Variants in DYNC2H1 observed in about 807,000 individuals in gnomAD.
DYNC2H1 encodes the protein dynein cytoplasmic 2 heavy chain 1.
In DYNC2H1, 410 loss-of-function variants were observed where a neutral mutation model predicts 570.0. The ratio of observed to expected loss-of-function variants is 0.72; its 90% confidence interval spans 0.66 to 0.78. DYNC2H1 has a LOEUF of 0.78. DYNC2H1 is among the 30% of genes least tolerant of loss of function. DYNC2H1 has a pLI of 0.00. For missense variants in DYNC2H1, 4,865 were observed against 5,046.4 expected, an observed-to-expected ratio of 0.96 and a Z score of 1.09; for synonymous variants, 1,688 against 1,677.6, an observed-to-expected ratio of 1.01 and a Z score of -0.15.
At chr11:103,447,178 T>TATCAA (rs1242067089) in intron 85 of DYNC2H1, among the ~76,000 whole-genome samples, 1 of 152,184 alleles carries the variant, frequency 6.6e-6, no homozygotes, top group African/African-American at 2.4e-5. Flanking sequence ...TACTTTTTTA[T>TATCAA]ATCAAATATT....
chr11:103,120,001 G>A (rs1174100865), intron 6 of DYNC2H1, among the ~76,000 whole-genome samples: 1 of 152,116 alleles, frequency 6.6e-6, no homozygotes, highest in African/African-American at 2.4e-5. Context: ...TTTCCCAGCT[G>A]TTTGTAAATA....
rs1864518234 is a variant in DYNC2H1, at chr11:103,244,018, TC to T, written c.9918+229del. On this transcript the variant is annotated intron_variant, in intron 64 of 88. Coordinates refer to ENST00000375735, the MANE Select transcript of DYNC2H1 (RefSeq NM_001377.3). This position sits in a 1 kb window ranked among gnomAD's most constrained non-coding sequence, Gnocchi z 4.3. ...AAGCCCTGGGAATTTAATAGTGAGT[TC>T]CTTCCCTTATAAAGATGACAGTCTA... Among the ~76,000 whole-genome samples, 1 of 152,212 alleles carries T rather than the reference TC, an allele frequency of 6.6e-6. No individual in the cohort carries two copies. Among genetic ancestry groups the T allele is most frequent in the African/African-American group, 2.4e-5 (1 of 41,550 alleles).
chr11:103,150,954 GA>G (rs1860503112), intron 20 of DYNC2H1, among the ~76,000 whole-genome samples: 1 of 152,150 alleles, frequency 6.6e-6, no homozygotes, highest in Admixed American at 6.5e-5. Context: ...AGGGACCTTA[GA>G]ATCTCATATT....
rs1352342541 is a variant in DYNC2H1 at position 103,325,841 on chromosome 11, CATT to C, written c.12039+1853_12039+1855del. On this transcript the variant is annotated intron_variant, in intron 82 of 88. Coordinates refer to ENST00000375735, the MANE Select transcript of DYNC2H1 (RefSeq NM_001377.3). The surrounding 1 kb of genome is among the most constrained non-coding windows in gnomAD (Gnocchi z 4.8). ...TACGTCATTTCAGACATTTCAGTCTCATTAGGGACCGTTGCTGGTGGGCGGGGG... is the reference window on the plus strand; with the variant it reads ...TACGTCATTTCAGACATTTCAGTCTCAGGGACCGTTGCTGGTGGGCGGGGG... 6.6e-6 allele frequency among the ~76,000 whole-genome samples: 1 copy of C among 152,132 alleles called. No individual in the cohort carries two copies. Among genetic ancestry groups the C allele is most frequent in the Non-Finnish European group, 1.5e-5 (1 of 68,020 alleles).
chr11:103,300,927 T>TTA (rs1237879117), intron 75 of DYNC2H1, among the ~76,000 whole-genome samples: 1 of 151,882 alleles, frequency 6.6e-6, no homozygotes, highest in Non-Finnish European at 1.5e-5. Context: ...TGTAAATATT[T>TTA]TATATATATT....
intron 81 of DYNC2H1, 43 bp from the exon 82 acceptor site, chr11:103,323,843 C>G: frequency 1.4e-6 from 2 of 1,443,790 alleles, no homozygotes; most frequent in Non-Finnish European, 1.9e-6. Context: ...TAAGTTCAAT[C>G]TTTATTTTTT....
At chr11:103,433,349 T>C (rs1413379865) in intron 84 of DYNC2H1, among the ~76,000 whole-genome samples, 2 of 152,156 alleles carry the variant, frequency 1.3e-5, no homozygotes, top group Non-Finnish European at 2.9e-5. Context: ...ATTGAATTAA[T>C]GTATTACACT....
intron 87 of DYNC2H1, among the ~76,000 whole-genome samples, chr11:103,463,987 G>A (rs1945106256): frequency 2.0e-5 from 3 of 152,116 alleles, no homozygotes. Context: ...CAGTACAGAG[G>A]TCTATGGAGG....
chr11:103,137,070 GTTGT>G (rs1414207050), intron 17 of DYNC2H1, among the ~76,000 whole-genome samples: 2 of 147,606 alleles, frequency 1.4e-5, no homozygotes, highest in South Asian at 2.2e-4. Context: ...TTTTGATGGG[GTTGT>G]TTGTTTTTTT....
In DYNC2H1 at chr11:103,459,969, G is replaced by GA. The variant is rs869048472; in HGVS notation, c.12648+3627dup. Among the ~76,000 whole-genome samples the GA allele has an allele frequency of 9.8e-4, 122 of 124,420 alleles. 2 individuals carry two copies. The highest frequency in any genetic ancestry group is 4.2e-3 in the Middle Eastern group (1 of 240). The allele number at this position is 124,420 out of a possible 152,430, so 81.6% of individuals were successfully genotyped here. Reference sequence around the variant, plus strand: ...GCGAGACTCCGTCTCAAAAAAAAAAGAAAAAAAAAAAAAAGCTGAAGGACT... The same window carrying GA: ...GCGAGACTCCGTCTCAAAAAAAAAAGAAAAAAAAAAAAAAAGCTGAAGGACT... On this transcript the variant is annotated intron_variant, in intron 87 of 88. Coordinates refer to ENST00000375735, the MANE Select transcript of DYNC2H1 (RefSeq NM_001377.3).
chr11:103,194,209 C>G (rs1233930577), intron 47 of DYNC2H1, among the ~76,000 whole-genome samples: 1 of 152,128 alleles, frequency 6.6e-6, no homozygotes, highest in African/African-American at 2.4e-5. Flanking sequence ...TTGACTCAAC[C>G]TGTTTCTCTG....
In DYNC2H1 at chr11:103,235,667, T is replaced by C; in HGVS notation, c.9568-5T>C. ...CTCCCTCTTTCTTCTCTCTCTTTTT[T>C]CCAGGTTGTAGAGATAACAGAGGAA... On this transcript the variant is annotated splice_polypyrimidine_tract_variant and splice_region_variant and intron_variant, in intron 61 of 88. Coordinates refer to ENST00000375735, the MANE Select transcript of DYNC2H1 (RefSeq NM_001377.3). 6.2e-7 allele frequency: 1 copy of C among 1,602,018 alleles called. No homozygotes were observed. The highest frequency in any genetic ancestry group is 8.5e-7 in the Non-Finnish European group (1 of 1,173,642).
At chr11:103,143,004 G>C (rs576287044) in intron 17 of DYNC2H1, among the ~76,000 whole-genome samples, 1 of 152,182 alleles carries the variant, frequency 6.6e-6, no homozygotes, top group Non-Finnish European at 1.5e-5. Context: ...TTGAAGTTTT[G>C]TATTATTTAA....
chr11:103,197,053 G>T (rs1304528659), intron 47 of DYNC2H1, among the ~76,000 whole-genome samples: 1 of 152,060 alleles, frequency 6.6e-6, no homozygotes, highest in African/African-American at 2.4e-5. Flanking sequence ...GACTTTCCTT[G>T]TATGGTAACA....
Position 103,125,158 on chromosome 11 carries a change from C to A in DYNC2H1, c.1720C>A (p.His574Asn), listed in dbSNP as rs1045577540. 1 of 1,613,576 alleles carries A rather than the reference C, an allele frequency of 6.2e-7. No individual in the cohort carries two copies. Among genetic ancestry groups the A allele is most frequent in the Admixed American group, 1.7e-5 (1 of 59,976 alleles). ...LDSNDGLLKV[H>N]YSDRLVILLR... ...TTCTAATGATGGATTACTAAAAGTG[C>A]ATTATTCAGATCGTTTGGTGATTCT... The change falls in exon 12 of 89, where the codon CAT (histidine) becomes AAT (asparagine). Residue 574 changes from histidine (H) to asparagine (N), a missense_variant. This residue lies in a region of DYNC2H1 where 1,936 missense variants were observed against 1,962.1 expected (regional missense o/e 0.99). Coordinates refer to ENST00000375735, the MANE Select transcript of DYNC2H1 (RefSeq NM_001377.3).
chr11:103,162,437 CT>C (rs1429749775), intron 29 of DYNC2H1, among the ~76,000 whole-genome samples: 1 of 152,018 alleles, frequency 6.6e-6, no homozygotes, highest in Non-Finnish European at 1.5e-5. Context: ...GTTATTTTAA[CT>C]TTTTATTATT....
intron 65 of DYNC2H1, among the ~76,000 whole-genome samples, chr11:103,250,811 G>T (rs1368668789): frequency 7.6e-6 from 1 of 131,770 alleles, no homozygotes; most frequent in African/African-American, 2.7e-5. Context: ...TTAGTATTTT[G>T]TTGTTTAATT....
chr11:103,385,125 T>G (rs1408973250), intron 83 of DYNC2H1, among the ~76,000 whole-genome samples: 1 of 152,110 alleles, frequency 6.6e-6, no homozygotes, highest in Non-Finnish European at 1.5e-5. Flanking sequence ...CTGTTGAGAT[T>G]GGGTATGGAA....
intron 83 of DYNC2H1, among the ~76,000 whole-genome samples, chr11:103,385,058 G>A (rs887686802): frequency 2.0e-5 from 3 of 151,968 alleles, no homozygotes; most frequent in Admixed American, 1.3e-4. Context: ...TTGCTTCTTT[G>A]ATCTATCTTT....
Sources: allele counts gnomAD v4.1 joint callset (sites outside exome capture counted in the v4.1 genomes callset), GRCh38; gene constraint gnomAD v4.1.1; regional missense constraint gnomAD v4.1.1; non-coding constraint Gnocchi (gnomAD v3.1); transcripts MANE v1.5; gene names NCBI Gene and HGNC (gene_info 2026-07-23, HGNC 2026-07-21).